HSPG2: variants seen among roughly 807,000 people sequenced by gnomAD.
HSPG2 encodes basement membrane-specific heparan sulfate proteoglycan core protein.
A neutral mutation model predicts 526.6 loss-of-function variants in HSPG2; 278 were observed. The ratio of observed to expected loss-of-function variants is 0.53; its 90% CI spans 0.48 to 0.58. The LOEUF (loss-of-function observed/expected upper bound fraction) is 0.58. Among genes scored for constraint, HSPG2 ranks in the 20% least tolerant of loss-of-function variants. The pLI is 0.00. For missense variants in HSPG2, 5,354 were observed against 6,099.5 expected (o/e 0.88, Z 4.07); for synonymous variants, 2,465 against 2,555.4 (o/e 0.96, Z 1.07).
Position 21,829,047 on chromosome 1 carries a change from C to T in HSPG2, c.12025G>A (p.Ala4009Thr). The T allele has an allele frequency of 6.5e-7, 1 of 1,547,176 alleles. No individual in the cohort carries two copies. The highest frequency in any genetic ancestry group is 8.7e-7 in the Non-Finnish European group (1 of 1,147,200). ...LAVLRSAEPL[A>T]LGRWHRVSAE... ...GACACACGGTGCCAGCGGCCCAGGG[C>T]CAGCGGCTCGGCGCTCCGCAGAACG... Residue 4009 changes from alanine to threonine, a missense_variant, in exon 88 of 97, where the codon GCC (alanine) becomes ACC (threonine). Physicochemically the swap from Ala to Thr is moderately conservative, Grantham distance 58 (BLOSUM62 0). Transcript: ENST00000374695.
At chr1:21,927,028 C>T (rs1056061666) in intron 1 of HSPG2, among the ~76,000 whole-genome samples, 4 of 151,924 alleles carry the variant, frequency 2.6e-5, no homozygotes, top group South Asian at 2.1e-4. Flanking sequence ...CATGGGCAGG[C>T]GCAGGGAGTG....
At chr1:21,907,519 C>T (rs1643442581) in intron 1 of HSPG2, among the ~76,000 whole-genome samples, 1 of 152,116 alleles carries the variant, frequency 6.6e-6, no homozygotes. Context: ...TTCCCAAACA[C>T]TCACTTTCAT....
chr1:21,832,870 C>T (rs1041857139), intron 80 of HSPG2: 4 of 581,490 alleles, frequency 6.9e-6, no homozygotes, highest in Middle Eastern at 4.6e-4. Context: ...GAGGCAGAGA[C>T]TCACCCGAGT....
chr1:21,852,408 G>C (rs1448508344), intron 52 of HSPG2, among the ~76,000 whole-genome samples, 175 bp from the exon 53 acceptor site: 1 of 152,270 alleles, frequency 6.6e-6, no homozygotes, highest in Non-Finnish European at 1.5e-5. Flanking sequence ...GAGGACCAGG[G>C]CATGGGCCAC....
At position 21,839,105 on chromosome 1, in the gene HSPG2, G is replaced by C. The variant is rs775203197; in HGVS notation, c.9890-20C>G. ...GTGGGCCTGAGTGGGGGGACACAGA[G>C]GTCAGGATTGGGGAGGGCAAAGGTC... On this transcript the variant is annotated intron_variant, in intron 73 of 96. Coordinates refer to ENST00000374695, the MANE Select transcript of HSPG2 (RefSeq NM_005529.7). This position sits in a 1 kb window ranked among gnomAD's most constrained non-coding sequence, Gnocchi z 4.5. The C allele has an allele frequency of 6.4e-7, 1 of 1,567,156 alleles. No individual in the cohort carries two copies. The highest frequency in any genetic ancestry group is 8.7e-7 in the Non-Finnish European group (1 of 1,152,886).
rs1267891563 is a variant in HSPG2 at position 21,848,118 on chromosome 1, T to C, written c.7738-25A>G. On this transcript the variant is annotated intron_variant, in intron 59 of 96. Coordinates refer to ENST00000374695, the MANE Select transcript of HSPG2 (RefSeq NM_005529.7). The surrounding 1 kb of genome is among the most constrained non-coding windows in gnomAD (Gnocchi z 4.9). ...TCTGCAGGAAGCAGATGGCAGGAGG[T>C]ATGGCAGTAGGTGTGGGCAGCTCCT... 1.9e-5 allele frequency: 30 copies of C among 1,561,582 alleles called. No homozygotes were observed. The highest frequency in any genetic ancestry group is 2.4e-5 in the Non-Finnish European group (28 of 1,154,324).
intron 1 of HSPG2, among the ~76,000 whole-genome samples, chr1:21,903,351 C>T (rs1478889879): frequency 2.0e-5 from 3 of 152,130 alleles, no homozygotes; most frequent in South Asian, 2.1e-4. Context: ...CTGTAGTCCC[C>T]GCACTTTGGG....
chr1:21,897,649 C>T (rs1642846803), intron 1 of HSPG2, among the ~76,000 whole-genome samples: 1 of 151,888 alleles, frequency 6.6e-6, no homozygotes, highest in African/African-American at 2.4e-5. Flanking sequence ...AGAAGCCAGA[C>T]ACACAAGACT....
chr1:21,839,628 G>A lies in HSPG2; in HGVS notation c.9710-78C>T, dbSNP rs2098040767. The A allele has an allele frequency of 2.6e-6, 4 of 1,530,086 alleles. No homozygotes were observed. Among genetic ancestry groups the A allele is most frequent in the Non-Finnish European group, 3.6e-6 (4 of 1,118,128 alleles). The allele number at this position is 1,530,086 out of a possible 1,614,324, so 94.8% of individuals were successfully genotyped here. On this transcript the variant is annotated intron_variant, in intron 72 of 96. Transcript: ENST00000374695. The surrounding 1 kb of genome is among the most constrained non-coding windows in gnomAD (Gnocchi z 4.5). ...GCAGAGGGTGGCCATGGTGAGGAAG[G>A]GCCCTGGGTGATCCTGTCCCTCTAT...
At chr1:21,907,054 C>T (rs113236844) in intron 1 of HSPG2, among the ~76,000 whole-genome samples, 243 of 152,242 alleles carry the variant, frequency 1.6e-3, no homozygotes, top group African/African-American at 5.8e-3. Flanking sequence ...ACACCTGTCA[C>T]CTGAGAAATC....
rs1638626945 is a variant in HSPG2 at position 21,848,499 on chromosome 1, A to C, written c.7737+144T>G. The C allele has an allele frequency of 2.1e-6, 2 of 952,336 alleles. No individual in the cohort carries two copies. The highest frequency in any genetic ancestry group is 3.4e-6 in the Non-Finnish European group (2 of 596,904). 59.0% of individuals were successfully genotyped at this position (952,336 alleles called of 1,614,324 possible). ...GGAGCCTTATTTCTGTATTCTCAGC[A>C]CTGGTCTAGGACCCATCCAGCAAGG... On this transcript the variant is annotated intron_variant, in intron 59 of 96. Transcript: ENST00000374695. This position sits in a 1 kb window ranked among gnomAD's most constrained non-coding sequence, Gnocchi z 4.9.
Position 21,855,640 on chromosome 1 carries a change from T to G in HSPG2, c.5737A>C (p.Ile1913Leu). 6.3e-7 allele frequency: 1 copy of G among 1,576,462 alleles called. No individual in the cohort carries two copies. Among genetic ancestry groups the G allele is most frequent in the Non-Finnish European group, 8.6e-7 (1 of 1,164,076 alleles). ...GGCAGGCGCAGGATGCCGCCGTGGATTTGTGCCTTCGCAGGGAGCTGGCCG... is the reference window on the plus strand; with the variant it reads ...GGCAGGCGCAGGATGCCGCCGTGGAGTTGTGCCTTCGCAGGGAGCTGGCCG... ...PGGQLPAKAQIHGGILRLPAV... is the reference protein window; with the variant it reads ...PGGQLPAKAQLHGGILRLPAV... The change falls in exon 46 of 97, where the codon ATC (isoleucine) becomes CTC (leucine). Residue 1913 changes from isoleucine (I) to leucine (L), a missense_variant. Physicochemically the swap from Ile to Leu is conservative, Grantham distance 5. Transcript: ENST00000374695.
rs12023794 is a variant in HSPG2 at position 21,829,360 on chromosome 1, C to T, written c.11992+23G>A. On this transcript the variant is annotated intron_variant, in intron 87 of 96. Transcript: ENST00000374695. ...GCACAAGGCTTGGTGTGCAGAGCCC[C>T]GCATTTGGTGCTGGGTGCTTACCTG... is the stretch of plus-strand genomic sequence containing the variant. 291,878 of 1,607,176 alleles carry T rather than the reference C, an allele frequency of 0.18. 27,992 individuals carry two copies. The highest frequency in any genetic ancestry group is 0.27 in the South Asian group (24,831 of 90,970).
At chr1:21,909,181 G>GTCA (rs1557821038) in intron 1 of HSPG2, among the ~76,000 whole-genome samples, 1 of 152,160 alleles carries the variant, frequency 6.6e-6, no homozygotes, top group African/African-American at 2.4e-5. Flanking sequence ...TGAGCAAAGG[G>GTCA]TCATCATCAC....
rs1232722700 is a variant in HSPG2 at position 21,887,122 on chromosome 1, G to T, written c.1078+93C>A. On this transcript the variant is annotated intron_variant, in intron 9 of 96. Transcript: ENST00000374695. This position sits in a 1 kb window ranked among gnomAD's most constrained non-coding sequence, Gnocchi z 5.0. Reference sequence around the variant, plus strand: ...ACTGGGGAGGGGGGAAAGCGGAGGGGCAGGGTAGGGGCGGGGCAGGAGTGG... The same window carrying T: ...ACTGGGGAGGGGGGAAAGCGGAGGGTCAGGGTAGGGGCGGGGCAGGAGTGG... 55 of 1,176,974 alleles carry T rather than the reference G, an allele frequency of 4.7e-5. No individual in the cohort carries two copies. Among genetic ancestry groups the T allele is most frequent in the Non-Finnish European group, 6.4e-5 (55 of 854,700 alleles). 72.9% of individuals were successfully genotyped at this position (1,176,974 alleles called of 1,614,324 possible). A position where few individuals can be genotyped will look rare whatever the true frequency, so the allele number is the denominator to read the frequency against.
chr1:21,836,822 G>A lies in HSPG2; in HGVS notation c.10335C>T (p.Ser3445=), dbSNP rs777783864. ...CTCACCGGAGCACCCCATCCTGCAC[G>A]CTGTGACCCGGAGGCAGCTGACCCC... ...KEGGQLPPGH[S]VQDGVLRIQN... is the part of the protein sequence containing the mutation. The change falls in exon 75 of 97, where the codon AGC becomes AGT. Residue 3445 remains serine, a synonymous_variant. Transcript: ENST00000374695. The A allele has an allele frequency of 5.1e-6, 8 of 1,570,362 alleles. No homozygotes were observed. The highest frequency in any genetic ancestry group is 4.7e-5 in the South Asian group (4 of 85,916).
chr1:21,830,544 G>T, intron 85 of HSPG2: 1 of 275,954 alleles, frequency 3.6e-6, no homozygotes, highest in Non-Finnish European at 7.0e-6. Context: ...AAAAAATTTA[G>T]CCAGGGGTGG....
intron 85 of HSPG2, chr1:21,830,462 G>C: frequency 3.0e-6 from 1 of 328,768 alleles, no homozygotes; most frequent in South Asian, 3.0e-5. Context: ...CGAGGTGGGT[G>C]GATCACCTGA....
Position 21,859,166 on chromosome 1 carries a change from G to C in HSPG2, c.5293+400C>G, listed in dbSNP as rs1012923517. On this transcript the variant is annotated intron_variant, in intron 42 of 96. Coordinates refer to ENST00000374695, the MANE Select transcript of HSPG2 (RefSeq NM_005529.7). This position sits in a 1 kb window ranked among gnomAD's most constrained non-coding sequence, Gnocchi z 5.3. ...GGGTTCAAGCAATTCTCCTGCCTCA[G>C]TTCTCCCGAGTAGCTGGGATTATAG... 2.0e-5 allele frequency among the ~76,000 whole-genome samples: 3 copies of C among 152,004 alleles called. No individual in the cohort carries two copies. The highest frequency in any genetic ancestry group is 6.6e-5 in the Admixed American group (1 of 15,258).
Sources: gnomAD v4.1 joint callset for allele counts (sites outside exome capture counted in the v4.1 genomes callset) on GRCh38, gnomAD v4.1.1 for gene constraint, Gnocchi (gnomAD v3.1) non-coding constraint, MANE v1.5 for transcripts, NCBI Gene and HGNC (gene_info 2026-07-23, HGNC 2026-07-21) for gene names.